NIBAN1: variants seen among roughly 807,000 people sequenced by gnomAD.
NIBAN1 encodes protein Niban 1.
Under a neutral mutation model 75.1 loss-of-function variants are expected in NIBAN1, and 81 were observed. The ratio of observed to expected loss-of-function variants is 1.08; its 90% CI spans 0.90 to 1.30. The LOEUF is 1.30. NIBAN1 is among the 50% of genes most tolerant of loss of function. The pLI is 0.00. For missense variants in NIBAN1, 1,133 were observed against 1,128.1 expected (o/e 1.00, Z -0.06); for synonymous variants, 436 against 424.8 (o/e 1.03, Z -0.32).
intron 5 of NIBAN1, among the ~76,000 whole-genome samples, chr1:184,840,318 A>G (rs1655248051): frequency 6.6e-6 from 1 of 152,150 alleles, no homozygotes; most frequent in Admixed American, 6.5e-5. Flanking sequence ...TACTGACCAA[A>G]TCATATCTGT....
intron 13 of NIBAN1, among the ~76,000 whole-genome samples, chr1:184,797,525 G>C (rs961400456): frequency 2.6e-5 from 4 of 151,772 alleles, no homozygotes; most frequent in South Asian, 2.1e-4. Context: ...CTGGATGCCG[G>C]AGTCCCACCG....
intron 1 of NIBAN1, among the ~76,000 whole-genome samples, chr1:184,909,436 A>G (rs1571565843): frequency 6.6e-6 from 1 of 152,278 alleles, no homozygotes. Flanking sequence ...GCATTTCTAG[A>G]TAACTGTGTT....
intron 2 of NIBAN1, among the ~76,000 whole-genome samples, chr1:184,897,795 T>G (rs976597560): frequency 1.3e-5 from 2 of 152,192 alleles, no homozygotes; most frequent in African/African-American, 4.8e-5. Context: ...GATTTCTCTC[T>G]TCTTCTATTA....
chr1:184,832,966 T>A (rs553149420), intron 5 of NIBAN1, among the ~76,000 whole-genome samples: 1 of 151,978 alleles, frequency 6.6e-6, no homozygotes, highest in African/African-American at 2.4e-5. Flanking sequence ...AATCAAATAA[T>A]AAATAATCAA....
At position 184,958,852 on chromosome 1, in the gene NIBAN1, A is replaced by G. The variant is rs373118189; in HGVS notation, c.55+15450T>C. The stretch of plus-strand genomic sequence containing the variant: ...TCTAACAAAACCATTTTAAATATTT[A>G]TACTCCAGATATTACACATTTGCCA... On this transcript the variant is annotated intron_variant, in intron 1 of 13. Coordinates refer to ENST00000367511, the MANE Select transcript of NIBAN1 (RefSeq NM_052966.4). 1.1e-3 allele frequency among the ~76,000 whole-genome samples: 161 copies of G among 152,332 alleles called. 9 individuals carry two copies. In the South Asian group the frequency reaches 0.033, roughly 31 times the overall value.
chr1:184,859,432 G>A (rs1349063446), intron 5 of NIBAN1, among the ~76,000 whole-genome samples: 3 of 152,072 alleles, frequency 2.0e-5, no homozygotes, highest in Non-Finnish European at 4.4e-5. Context: ...CTACCACAAT[G>A]ATGGCAGTGG....
At chr1:184,875,999 C>T (rs968238333) in intron 5 of NIBAN1, among the ~76,000 whole-genome samples, 5 of 151,868 alleles carry the variant, frequency 3.3e-5, no homozygotes, top group Admixed American at 6.6e-5. Flanking sequence ...CATGGAGAAA[C>T]GTTGTCTCTG....
intron 1 of NIBAN1, among the ~76,000 whole-genome samples, chr1:184,958,422 A>G (rs1334124342): frequency 1.3e-5 from 2 of 151,750 alleles, no homozygotes; most frequent in Non-Finnish European, 2.9e-5. Flanking sequence ...ATAATTTAGA[A>G]TTAAGATATT....
At chr1:184,806,644 T>C (rs115100634) in intron 10 of NIBAN1, among the ~76,000 whole-genome samples, 43 of 152,026 alleles carry the variant, frequency 2.8e-4, no homozygotes, top group African/African-American at 1.0e-3. Flanking sequence ...CTTTCATCCC[T>C]CACAACTCAA....
intron 5 of NIBAN1, among the ~76,000 whole-genome samples, chr1:184,837,828 T>G (rs1450625418): frequency 6.6e-6 from 1 of 152,194 alleles, no homozygotes; most frequent in Non-Finnish European, 1.5e-5. Flanking sequence ...TTCCATATGG[T>G]AACCCGAGAA....
Position 184,894,189 on chromosome 1 carries a change from T to C in NIBAN1, c.204A>G (p.Gly68=), listed in dbSNP as rs781291211. ...FLKTKPPLAP[G]TILYEAELSQ... ...ATAGCTCTGCTTCATACAAAATAGT[T>C]CCAGGCGCCAATGGTGGCTTAAAGA... Residue 68 remains glycine (G), a synonymous_variant, in exon 3 of 14, where the codon GGA becomes GGG. Transcript: ENST00000367511. 8 of 1,606,520 alleles carry C rather than the reference T, an allele frequency of 5.0e-6. No homozygotes were observed. In the South Asian group the frequency reaches 6.7e-5, roughly 13 times the overall value.
rs201248920 is a variant in NIBAN1, at chr1:184,796,102, G to A, written c.1667-5C>T. 2.5e-5 allele frequency: 37 copies of A among 1,500,448 alleles called. No individual in the cohort carries two copies. The highest frequency in any genetic ancestry group is 3.9e-5 in the South Asian group (3 of 76,286). 92.9% of individuals were successfully genotyped at this position (1,500,448 alleles called of 1,614,324 possible). ...AGATAGCAGCTTCCTTTATCACTGA[G>A]AGATATCAGAAAACAAAACATGATT... On this transcript the variant is annotated splice_region_variant and splice_polypyrimidine_tract_variant and intron_variant, in intron 13 of 13. Coordinates refer to ENST00000367511, the MANE Select transcript of NIBAN1 (RefSeq NM_052966.4).
intron 1 of NIBAN1, among the ~76,000 whole-genome samples, chr1:184,947,857 T>A (rs1658269194): frequency 6.6e-6 from 1 of 152,220 alleles, no homozygotes; most frequent in South Asian, 2.1e-4. Context: ...TTCTTATTAC[T>A]GGAGGTATTG....
chr1:184,865,832 G>A (rs1655942166), intron 5 of NIBAN1, among the ~76,000 whole-genome samples: 1 of 152,106 alleles, frequency 6.6e-6, no homozygotes, highest in Non-Finnish European at 1.5e-5. Flanking sequence ...GCGATGAGGA[G>A]CATGAGAAAA....
intron 5 of NIBAN1, among the ~76,000 whole-genome samples, chr1:184,867,539 AGAAG>A (rs1342674345): frequency 6.6e-6 from 1 of 152,220 alleles, no homozygotes. Context: ...TAGGGATTTA[AGAAG>A]GAAAGGACAA....
At chr1:184,900,374 C>T (rs534485874) in intron 1 of NIBAN1, among the ~76,000 whole-genome samples, 1 of 152,186 alleles carries the variant, frequency 6.6e-6, no homozygotes, top group Non-Finnish European at 1.5e-5. Flanking sequence ...TCATTCGACT[C>T]TCAAGGCTCC....
At chr1:184,919,851 A>C (rs1363731631) in intron 1 of NIBAN1, among the ~76,000 whole-genome samples, 1 of 151,948 alleles carries the variant, frequency 6.6e-6, no homozygotes, top group African/African-American at 2.4e-5. Flanking sequence ...TAACAAAAAA[A>C]AATTGTTTTT....
chr1:184,797,497 G>A (rs538143839), intron 13 of NIBAN1, among the ~76,000 whole-genome samples: 86 of 151,956 alleles, frequency 5.7e-4, no homozygotes, highest in Non-Finnish European at 1.1e-3. Context: ...CCCAGGCAAG[G>A]CATGATTCCT....
At chr1:184,904,815 G>A (rs1336119786) in intron 1 of NIBAN1, among the ~76,000 whole-genome samples, 1 of 152,102 alleles carries the variant, frequency 6.6e-6, no homozygotes, top group Non-Finnish European at 1.5e-5. Context: ...GCCGGGTGTG[G>A]TGGTGCACAC....
Sources: allele counts gnomAD v4.1 joint callset (sites outside exome capture counted in the v4.1 genomes callset), GRCh38; gene constraint gnomAD v4.1.1; transcripts MANE v1.5; gene names NCBI Gene and HGNC (gene_info 2026-07-23, HGNC 2026-07-21).